ATP7B: variants seen among roughly 807,000 people sequenced by gnomAD.
ATP7B encodes the protein copper-transporting ATPase 2.
A neutral mutation model predicts 118.9 loss-of-function variants in ATP7B; 113 were observed. The observed-to-expected ratio is 0.95, with a 90% confidence interval of 0.82 to 1.11. The LOEUF is 1.11. Ranked by LOEUF, ATP7B falls within the 50% of genes most tolerant of loss-of-function variation. The pLI is 0.00. For synonymous variants in ATP7B, 777 were observed against 727.4 expected, an observed-to-expected ratio of 1.07 and a Z score of -1.10; for missense variants, 1,867 against 1,871.4, an observed-to-expected ratio of 1.00 and a Z score of 0.04.
chr13:51,949,699 C>T lies in ATP7B; in HGVS notation c.2828G>A (p.Gly943Asp), dbSNP rs779323689. 6.2e-6 allele frequency: 10 copies of T among 1,613,918 alleles called. No homozygotes were observed. The East Asian group carries it at 1.8e-4, about 29-fold the overall frequency. Residue 943 changes from glycine (G) to aspartate (D), a missense_variant, in exon 12 of 21, where the codon GGT becomes GAT. Physicochemically the swap from Gly to Asp is moderately conservative, Grantham distance 94. Transcript: ENST00000242839. ...CTGAACAACACCAAAATCGATAAAA[C>T]CGATTACAATCCATACCACCAACGT... ...TLTLVVWIVI[G>D]FIDFGVVQRY...
chr13:51,950,515 AT>A, intron 9 of ATP7B, 116 bp from the exon 10 acceptor site: 1 of 1,437,592 alleles, frequency 7.0e-7, no homozygotes, highest in East Asian at 2.3e-5. Context: ...AACAGTATTC[AT>A]TTGATCTGTT....
rs533426167 is a variant in ATP7B at position 51,976,410 on chromosome 13, T to A, written c.52-1242A>T. Among the ~76,000 whole-genome samples, 3 of 152,356 alleles carry A rather than the reference T, an allele frequency of 2.0e-5. No homozygotes were observed. In the East Asian group the frequency reaches 5.8e-4, roughly 29 times the overall value. ...GTTGATTTCTATATCCACAAAGGTTTGGGATTAATAATTACATAGAATTTT... is the reference window on the plus strand; with the variant it reads ...GTTGATTTCTATATCCACAAAGGTTAGGGATTAATAATTACATAGAATTTT... On this transcript the variant is annotated intron_variant, in intron 1 of 20. Coordinates refer to ENST00000242839, the MANE Select transcript of ATP7B (RefSeq NM_000053.4).
rs568968693 is a variant in ATP7B, at chr13:51,989,878, TTTTA to T, written c.52-14714_52-14711del. Among the ~76,000 whole-genome samples, 63 of 152,208 alleles carry T rather than the reference TTTTA, an allele frequency of 4.1e-4. 1 individual carries two copies. The South Asian group carries it at 0.012, about 30-fold the overall frequency. ...TTTCAAGCCTTTCCCAACAAAGAGG[TTTTA>T]TTTATTTATTTTTTTTACTCTGTAC... On this transcript the variant is annotated intron_variant, in intron 1 of 20. Transcript: ENST00000242839.
At chr13:51,941,741 G>C (rs1262464013) in intron 15 of ATP7B, among the ~76,000 whole-genome samples, 3 of 152,110 alleles carry the variant, frequency 2.0e-5, no homozygotes, top group African/African-American at 7.2e-5. Flanking sequence ...GTCACTGAAC[G>C]GCCAGGCTCT....
chr13:51,963,833 T>G (rs1171374298), intron 5 of ATP7B, among the ~76,000 whole-genome samples: 2 of 149,126 alleles, frequency 1.3e-5, no homozygotes. Flanking sequence ...GTGGATCACC[T>G]AAGGTGTCAG....
intron 13 of ATP7B, among the ~76,000 whole-genome samples, chr13:51,945,461 T>C (rs1026478968): frequency 6.6e-6 from 1 of 152,180 alleles, no homozygotes; most frequent in Non-Finnish European, 1.5e-5. Context: ...TTTGGAACAC[T>C]CTTCCCCAGC....
At chr13:51,998,537 C>T (rs1953330270) in intron 1 of ATP7B, among the ~76,000 whole-genome samples, 1 of 152,178 alleles carries the variant, frequency 6.6e-6, no homozygotes, top group Admixed American at 6.5e-5. Flanking sequence ...TACCACAACA[C>T]AAGGGCAAAC....
chr13:51,969,903 T>C (rs1196950367), intron 3 of ATP7B, among the ~76,000 whole-genome samples: 1 of 152,084 alleles, frequency 6.6e-6, no homozygotes, highest in Non-Finnish European at 1.5e-5. Context: ...ATCACTGGGG[T>C]AAGAAAAGAG....
At chr13:51,942,293 C>G (rs1957380316) in intron 15 of ATP7B, 93 bp downstream of exon 15, 1 of 1,586,216 alleles carries the variant, frequency 6.3e-7, no homozygotes, top group African/African-American at 1.3e-5. Flanking sequence ...CCGTCTGCCG[C>G]ACAGCAGAGG....
chr13:51,965,670 G>A (rs1214590772), intron 4 of ATP7B, among the ~76,000 whole-genome samples: 1 of 152,178 alleles, frequency 6.6e-6, no homozygotes, highest in Non-Finnish European at 1.5e-5. Context: ...AGGATAGCAT[G>A]ATGTATTCAG....
intron 10 of ATP7B, 31 bp downstream of exon 10, chr13:51,950,241 T>TC: frequency 6.2e-7 from 1 of 1,614,136 alleles, no homozygotes; most frequent in Admixed American, 1.7e-5. Flanking sequence ...TATGATATCC[T>TC]CCTGAGGGAA....
chr13:51,935,832 G>A, intron 19 of ATP7B, 137 bp from the exon 20 acceptor site: 1 of 721,892 alleles, frequency 1.4e-6, no homozygotes, highest in Non-Finnish European at 2.3e-6. Flanking sequence ...CCCTGCCAAT[G>A]GATCTTGCCC....
intron 9 of ATP7B, among the ~76,000 whole-genome samples, chr13:51,951,392 G>A (rs1387277292): frequency 6.6e-6 from 1 of 151,816 alleles, no homozygotes; most frequent in East Asian, 1.9e-4. Context: ...AGGGGATGGA[G>A]AGAAATGGTT....
chr13:51,961,016 T>C (rs367613359), intron 6 of ATP7B, among the ~76,000 whole-genome samples: 1 of 152,022 alleles, frequency 6.6e-6, no homozygotes, highest in East Asian at 1.9e-4. Flanking sequence ...AACTGGCTGT[T>C]CAGATGCCTC....
intron 12 of ATP7B, 57 bp downstream of exon 12, chr13:51,949,605 A>T: frequency 6.3e-7 from 1 of 1,592,660 alleles, no homozygotes; most frequent in Non-Finnish European, 8.6e-7. Context: ...GAACAGGATC[A>T]ATGTCAGTAG....
Position 51,968,660 on chromosome 13 carries a change from T to G in ATP7B, c.1544-53A>C, listed in dbSNP as rs2147363. On this transcript the variant is annotated intron_variant, in intron 3 of 20. Transcript: ENST00000242839. ...ACTCTGGGTGGGCAGGGCCTCTAGG[T>G]TGACACAGTCAATATAACCGAACAA... 1,108,628 of 1,598,864 alleles carry G rather than the reference T, an allele frequency of 0.69. 387,838 individuals are homozygous for G. Among genetic ancestry groups the G allele is most frequent in the Non-Finnish European group, 0.72 (838,477 of 1,167,942 alleles).
At chr13:51,975,306 C>T (rs370523435) in intron 1 of ATP7B, 138 bp from the exon 2 acceptor site, 16 of 1,177,800 alleles carry the variant, frequency 1.4e-5, no homozygotes, top group Admixed American at 1.0e-4. Flanking sequence ...ACATAACATA[C>T]ACAGAAAGCA....
At chr13:51,991,710 A>T (rs1290469766) in intron 1 of ATP7B, among the ~76,000 whole-genome samples, 1 of 152,182 alleles carries the variant, frequency 6.6e-6, no homozygotes, top group East Asian at 1.9e-4. Context: ...CCTCAGTGGC[A>T]GGCACCCATT....
rs760759138 is a variant in ATP7B at position 51,961,831 on chromosome 13, A to AC, written c.1946+5dup. On this transcript the variant is annotated splice_donor_region_variant and intron_variant, in intron 6 of 20. Coordinates refer to ENST00000242839, the MANE Select transcript of ATP7B (RefSeq NM_000053.4). ...AGCTGGAGTTTATCTTTTGTGTTCT[A>AC]CCTACTGCTTTATTTCCATCTTGTG... 5.6e-6 allele frequency: 9 copies of AC among 1,612,796 alleles called. No homozygotes were observed. Among genetic ancestry groups the AC allele is most frequent in the Non-Finnish European group, 7.6e-6 (9 of 1,178,872 alleles).
Sources: allele counts gnomAD v4.1 joint callset (sites outside exome capture counted in the v4.1 genomes callset), GRCh38; gene constraint gnomAD v4.1.1; transcripts MANE v1.5; gene names NCBI Gene and HGNC (gene_info 2026-07-23, HGNC 2026-07-21).